MED24: variants seen among roughly 807,000 people sequenced by gnomAD.
MED24 encodes mediator of RNA polymerase II transcription subunit 24.
Under a neutral mutation model 118.8 loss-of-function variants are expected in MED24, and 74 were observed. The ratio of observed to expected loss-of-function variants is 0.62; its 90% CI spans 0.52 to 0.76. The LOEUF (loss-of-function observed/expected upper bound fraction) is 0.76. Ranked by LOEUF, MED24 falls within the 30% of genes least tolerant of loss-of-function variation. The probability of loss-of-function intolerance (pLI) is 0.00; values close to 1 mark genes in which losing one functional copy is unlikely to be tolerated. For missense variants in MED24, 1,041 were observed against 1,278.9 expected (o/e 0.81, Z 2.84); for synonymous variants, 521 against 523.9 (o/e 0.99, Z 0.08).
chr17:40,035,121 C>T lies in MED24; in HGVS notation c.555G>A (p.Glu185=), dbSNP rs981485264. The change falls in exon 6 of 26, where the codon GAG becomes GAA. Residue 185 remains glutamate, a synonymous_variant. Coordinates refer to ENST00000394128, the MANE Select transcript of MED24 (RefSeq NM_014815.4). ...RALLHIAKLE[E]ASSWTAIEHS... ...CAGGGGAATCAAGGGACATACAGGC[C>T]TCCTCTAGTTTGGCGATGTGCAGCA... 4 of 1,613,940 alleles carry T rather than the reference C, an allele frequency of 2.5e-6. No homozygotes were observed. In the African/African-American group the frequency reaches 4.0e-5, roughly 16 times the overall value.
At position 40,019,776 on chromosome 17, in the gene MED24, G is replaced by A; in HGVS notation, c.2853+9C>T. ...GCACCAGCAGGAGAGCCGGGAAGGTGGTACTCACGGTGGTGAAGGGCATGA... is the reference window on the plus strand; with the variant it reads ...GCACCAGCAGGAGAGCCGGGAAGGTAGTACTCACGGTGGTGAAGGGCATGA... On this transcript the variant is annotated intron_variant, in intron 25 of 25. Transcript: ENST00000394128. The A allele has an allele frequency of 6.2e-7, 1 of 1,611,856 alleles. No individual in the cohort carries two copies. Among genetic ancestry groups the A allele is most frequent in the Non-Finnish European group, 8.5e-7 (1 of 1,178,790 alleles).
At chr17:40,035,485 G>A in intron 5 of MED24, 136 bp from the exon 6 acceptor site, 1 of 1,050,522 alleles carries the variant, frequency 9.5e-7, no homozygotes, top group Non-Finnish European at 1.3e-6. Context: ...TGGGGAAGAT[G>A]CTTAGCCCCT....
chr17:40,034,454 G>A (rs1482292436), intron 6 of MED24, among the ~76,000 whole-genome samples: 1 of 152,200 alleles, frequency 6.6e-6, no homozygotes, highest in African/African-American at 2.4e-5. Context: ...CAAGAGACCT[G>A]TAGGTGGTCC....
At chr17:40,032,855 A>G (rs1983542110) in intron 8 of MED24, 93 bp from the exon 9 acceptor site, 2 of 1,363,018 alleles carry the variant, frequency 1.5e-6, no homozygotes, top group African/African-American at 1.4e-5. Flanking sequence ...CAGAGACTGC[A>G]TGGCAGAGTC....
At position 40,043,890 on chromosome 17, in the gene MED24, C is replaced by CAAAAAAAAAAAAAAAAAAAAAAAAAAAA. The variant is rs35743512; in HGVS notation, c.214-7737_214-7736insTTTTTTTTTTTTTTTTTTTTTTTTTTTT. ...TGGGCAGAAGAGCGAGACTCCATCT[C>CAAAAAAAAAAAAAAAAAAAAAAAAAAAA]AAAAAAAAAAAAAACAAAGATTTAA... On this transcript the variant is annotated intron_variant, in intron 3 of 25. Coordinates refer to ENST00000394128, the MANE Select transcript of MED24 (RefSeq NM_014815.4). Among the ~76,000 whole-genome samples the CAAAAAAAAAAAAAAAAAAAAAAAAAAAA allele has an allele frequency of 7.1e-4, 69 of 97,424 alleles. 5 individuals are homozygous for CAAAAAAAAAAAAAAAAAAAAAAAAAAAA. Among genetic ancestry groups the CAAAAAAAAAAAAAAAAAAAAAAAAAAAA allele is most frequent in the African/African-American group, 9.2e-4 (25 of 27,138 alleles). The allele number at this position is 97,424 out of a possible 152,430, so 63.9% of individuals were successfully genotyped here.
intron 14 of MED24, among the ~76,000 whole-genome samples, chr17:40,028,446 G>A (rs1325289552): frequency 6.6e-6 from 1 of 152,102 alleles, no homozygotes; most frequent in Admixed American, 6.6e-5. Flanking sequence ...GATTTCCAAG[G>A]CCTAGAGAAT....
At chr17:40,050,205 A>C (rs1178523285) in intron 3 of MED24, among the ~76,000 whole-genome samples, 1 of 144,986 alleles carries the variant, frequency 6.9e-6, no homozygotes, top group African/African-American at 2.6e-5. Context: ...ACGGTGGCTC[A>C]TTGGAGGCCG....
rs767977377 is a variant in MED24 at position 40,053,520 on chromosome 17, T to C, written c.79A>G (p.Met27Val). 1 of 1,614,224 alleles carries C rather than the reference T, an allele frequency of 6.2e-7. No individual in the cohort carries two copies. Among genetic ancestry groups the C allele is most frequent in the South Asian group, 1.1e-5 (1 of 91,086 alleles). The change falls in exon 2 of 26, where the codon ATG (methionine) becomes GTG (valine). Residue 27 changes from methionine to valine, a missense_variant. Around this residue, in one of 3 missense-constraint regions of MED24, gnomAD observed 434 missense variants for 514.9 expected, o/e 0.84. Transcript: ENST00000394128. ...RWSDYQWAINMKKFFPKGATW... is the reference protein window; with the variant it reads ...RWSDYQWAINVKKFFPKGATW... ...GCTCCTTTAGGAAAGAATTTCTTCA[T>C]GTTGATTGCCCATTGGTAGTCACTC...
At chr17:40,047,399 T>C (rs8066846) in intron 3 of MED24, among the ~76,000 whole-genome samples, 93,864 of 151,610 alleles carry the variant, frequency 0.62, 29,260 homozygotes, top group South Asian at 0.73. Context: ...TGGTGGCTCA[T>C]GCCTGTAATC....
intron 3 of MED24, among the ~76,000 whole-genome samples, chr17:40,047,095 G>C (rs1039165975): frequency 4.6e-5 from 7 of 152,034 alleles, no homozygotes; most frequent in Non-Finnish European, 5.9e-5. Flanking sequence ...GGGTAACAGA[G>C]CAAGACCCTG....
intron 14 of MED24, among the ~76,000 whole-genome samples, chr17:40,028,438 T>C (rs553003001): frequency 6.6e-6 from 1 of 152,214 alleles, no homozygotes; most frequent in Admixed American, 6.5e-5. Flanking sequence ...TGTTAGAAGA[T>C]TTCCAAGGCC....
chr17:40,031,169 T>G lies in MED24; in HGVS notation c.1144A>C (p.Met382Leu). Reference protein sequence around the residue: ...LLSEASVNNLMAKRKADREHA... With the variant: ...LLSEASVNNLLAKRKADREHA... ...TGCGTTCACACTTACCGCTTAGCCA[T>G]AAGGTTGTTGACGCTGGCCTCAGAC... Residue 382 changes from methionine (M) to leucine (L), a missense_variant, in exon 12 of 26, where the codon ATG (methionine) becomes CTG (leucine). This residue lies in a region of MED24 where 434 missense variants were observed against 514.9 expected (regional missense o/e 0.84). Coordinates refer to ENST00000394128, the MANE Select transcript of MED24 (RefSeq NM_014815.4). 2 of 1,566,568 alleles carry G rather than the reference T, an allele frequency of 1.3e-6. No homozygotes were observed. Among genetic ancestry groups the G allele is most frequent in the Non-Finnish European group, 1.7e-6 (2 of 1,154,520 alleles).
intron 6 of MED24, 82 bp downstream of exon 6, chr17:40,035,035 G>A (rs1434114277): frequency 3.1e-6 from 5 of 1,609,290 alleles, no homozygotes; most frequent in Non-Finnish European, 4.3e-6. Context: ...AGGTGGGATG[G>A]CATCCTGCCT....
At chr17:40,028,696 G>T in intron 14 of MED24, 130 bp downstream of exon 14, 1 of 1,307,436 alleles carries the variant, frequency 7.6e-7, no homozygotes, top group East Asian at 2.3e-5. Context: ...TCTCCAGCCA[G>T]GATGCTCTGC....
chr17:40,040,421 G>C (rs1984437026), intron 3 of MED24, among the ~76,000 whole-genome samples: 2 of 151,950 alleles, frequency 1.3e-5, no homozygotes, highest in Admixed American at 1.3e-4. Context: ...TTGCCGTGTT[G>C]TCAAGGGTGG....
Position 40,019,947 on chromosome 17 carries a change from G to C in MED24, c.2705-14C>G, listed in dbSNP as rs1489013696. The C allele has an allele frequency of 4.5e-6, 7 of 1,558,840 alleles. No individual in the cohort carries two copies. Among genetic ancestry groups the C allele is most frequent in the Non-Finnish European group, 4.3e-6 (5 of 1,151,128 alleles). The stretch of plus-strand genomic sequence containing the variant: ...GGAACAGGTTGGCTGTAGAGAGTGG[G>C]GGGAGAGTGACAGGAGGGAGTTCCA... On this transcript the variant is annotated splice_polypyrimidine_tract_variant and intron_variant, in intron 24 of 25. Transcript: ENST00000394128.
In MED24 at chr17:40,043,708, C is replaced by T. The variant is rs184472806; in HGVS notation, c.214-7554G>A. On this transcript the variant is annotated intron_variant, in intron 3 of 25. Transcript: ENST00000394128. ...TCGAGACCATCCTGGCTAACACTTT[C>T]GTGAAACCCCATCTCTACTAAAAAT... is the stretch of plus-strand genomic sequence containing the variant. Among the ~76,000 whole-genome samples, 587 of 151,148 alleles carry T rather than the reference C, an allele frequency of 3.9e-3. 5 individuals are homozygous for T. Among genetic ancestry groups the T allele is most frequent in the African/African-American group, 0.013 (517 of 41,140 alleles).
chr17:40,042,235 C>T (rs2144955621), intron 3 of MED24, among the ~76,000 whole-genome samples: 1 of 152,204 alleles, frequency 6.6e-6, no homozygotes, highest in South Asian at 2.1e-4. Flanking sequence ...TTTATGGTAA[C>T]TTAACGAATT....
At chr17:40,023,090 A>AC (rs747562125) in intron 20 of MED24, 41 bp downstream of exon 20, 12 of 1,587,710 alleles carry the variant, frequency 7.6e-6, no homozygotes, top group South Asian at 1.2e-5. Flanking sequence ...GAGCCAGGGG[A>AC]CAGGACCCAT....
Sources: gnomAD v4.1 joint callset for allele counts (sites outside exome capture counted in the v4.1 genomes callset) on GRCh38, gnomAD v4.1.1 for gene constraint, gnomAD v4.1.1 regional missense constraint, MANE v1.5 for transcripts, NCBI Gene and HGNC (gene_info 2026-07-23, HGNC 2026-07-21) for gene names.